Variants in GABRA5 observed in about 807,000 individuals in gnomAD.
GABRA5 encodes gamma-aminobutyric acid receptor subunit alpha-5.
A neutral mutation model predicts 47.3 loss-of-function variants in GABRA5; 18 were observed. The ratio of observed to expected loss-of-function variants is 0.38; its 90% CI spans 0.26 to 0.56. GABRA5 has a LOEUF of 0.56. GABRA5 is among the 20% of genes least tolerant of loss of function. The probability of loss-of-function intolerance (pLI) is 0.71; values close to 1 mark genes in which losing one functional copy is unlikely to be tolerated. For missense variants in GABRA5, 365 were observed against 599.3 expected (o/e 0.61, Z 4.08); for synonymous variants, 237 against 229.3 (o/e 1.03, Z -0.30).
At position 26,880,964 on chromosome 15, in the gene GABRA5, G is replaced by A; in HGVS notation, c.205G>A (p.Gly69Arg). The A allele has an allele frequency of 6.2e-7, 1 of 1,613,768 alleles. No individual in the cohort carries two copies. The highest frequency in any genetic ancestry group is 8.5e-7 in the Non-Finnish European group (1 of 1,179,798). ...CGACAACAGACTTCGGCCCGGGCTGGGAGGTGAGTGTGCTCTCCTCAGCTG... is the reference window on the plus strand; with the variant it reads ...CGACAACAGACTTCGGCCCGGGCTGAGAGGTGAGTGTGCTCTCCTCAGCTG... ...GYDNRLRPGL[G>R]ERITQVRTDI... Residue 69 changes from glycine (G) to arginine (R), a missense_variant, in exon 4 of 11, where the codon GGA (glycine) becomes AGA (arginine). Gly to Arg is a moderately radical substitution (Grantham distance 125, BLOSUM62 -2). Coordinates refer to ENST00000335625, the MANE Select transcript of GABRA5 (RefSeq NM_000810.4).
intron 3 of GABRA5, among the ~76,000 whole-genome samples, chr15:26,873,051 T>C (rs1268432568): frequency 1.3e-5 from 2 of 152,152 alleles, no homozygotes; most frequent in Non-Finnish European, 2.9e-5. Flanking sequence ...AAGTATACAA[T>C]ACAATAAGGC....
intron 6 of GABRA5, among the ~76,000 whole-genome samples, chr15:26,888,781 C>T (rs930478867): frequency 3.3e-5 from 5 of 152,244 alleles, no homozygotes; most frequent in African/African-American, 1.2e-4. Flanking sequence ...TCTAAAAGTG[C>T]CAACTTATGT....
At chr15:26,897,346 A>G (rs1261081994) in intron 6 of GABRA5, among the ~76,000 whole-genome samples, 2 of 152,160 alleles carry the variant, frequency 1.3e-5, no homozygotes, top group African/African-American at 4.8e-5. Context: ...GCACCCACAG[A>G]AGGAAGACCA....
chr15:26,939,331 G>A (rs767961487), intron 8 of GABRA5: 2 of 765,310 alleles, frequency 2.6e-6, no homozygotes, highest in South Asian at 2.7e-5. Context: ...AGGCACTGGG[G>A]CATCGCCAAT....
intron 6 of GABRA5, among the ~76,000 whole-genome samples, chr15:26,892,402 C>T (rs1034609916): frequency 1.3e-5 from 2 of 151,434 alleles, no homozygotes; most frequent in East Asian, 4.4e-4. Flanking sequence ...TCTCCGGGCC[C>T]TACCCAGCCC....
In GABRA5 at chr15:26,939,923, A is replaced by C; in HGVS notation, c.725-2A>C. ...GATGTGCAGTCATTTGCTTATTTGC[A>C]GGCGAATACACAATCATGACAGCTC... On this transcript the variant is annotated splice_acceptor_variant, in intron 8 of 10. Coordinates refer to ENST00000335625, the MANE Select transcript of GABRA5 (RefSeq NM_000810.4). LOFTEE classifies it high-confidence loss of function. The C allele has an allele frequency of 6.2e-7, 1 of 1,613,900 alleles. No individual in the cohort carries two copies. The highest frequency in any genetic ancestry group is 8.5e-7 in the Non-Finnish European group (1 of 1,179,820).
intron 6 of GABRA5, among the ~76,000 whole-genome samples, chr15:26,893,256 T>TGTATA (rs1893063609): frequency 7.0e-6 from 1 of 143,004 alleles, no homozygotes; most frequent in Non-Finnish European, 1.5e-5. Flanking sequence ...ATATGGTGTG[T>TGTATA]TGTGTGTGTA....
rs191069893 is a variant in GABRA5 at position 26,871,151 on chromosome 15, G to A, written c.86+1817G>A. Among the ~76,000 whole-genome samples the A allele has an allele frequency of 1.3e-4, 20 of 152,312 alleles. No individual in the cohort carries two copies. The East Asian group carries it at 3.5e-3, about 26-fold the overall frequency. ...GGAGGTTGCTGTGAGCTGAGATCAT[G>A]CCACTGCACTCCAGCTTGGGCGACA... On this transcript the variant is annotated intron_variant, in intron 3 of 10. Transcript: ENST00000335625.
chr15:26,894,998 G>T (rs1337904250), intron 6 of GABRA5, among the ~76,000 whole-genome samples: 3 of 151,886 alleles, frequency 2.0e-5, no homozygotes, highest in African/African-American at 7.3e-5. Context: ...CATCCTGCTG[G>T]GGTCTGAAAC....
chr15:26,938,998 C>A (rs1894315932), intron 8 of GABRA5, among the ~76,000 whole-genome samples: 3 of 152,226 alleles, frequency 2.0e-5, no homozygotes, highest in African/African-American at 7.2e-5. Flanking sequence ...GACAGACAGA[C>A]CAGGGCCTGC....
intron 6 of GABRA5, among the ~76,000 whole-genome samples, chr15:26,911,910 C>T (rs1893604352): frequency 6.6e-6 from 1 of 152,154 alleles, no homozygotes; most frequent in Non-Finnish European, 1.5e-5. Context: ...TCCATATCCA[C>T]CCTGACGATG....
chr15:26,916,350 A>G (rs1320814919), intron 7 of GABRA5, among the ~76,000 whole-genome samples: 2 of 152,044 alleles, frequency 1.3e-5, no homozygotes, highest in Non-Finnish European at 2.9e-5. Flanking sequence ...TCATTTTTGT[A>G]TTCTTGGCAC....
At chr15:26,943,165 G>A in intron 9 of GABRA5, 50 bp from the exon 10 acceptor site, 2 of 1,403,516 alleles carry the variant, frequency 1.4e-6, no homozygotes, top group Non-Finnish European at 9.7e-7. Context: ...CTGGGTGCCA[G>A]CACTGACCCC....
Position 26,897,676 on chromosome 15 carries a change from G to A in GABRA5, c.497+14119G>A, listed in dbSNP as rs148160386. Among the ~76,000 whole-genome samples the A allele has an allele frequency of 5.7e-3, 870 of 152,250 alleles. 2 individuals carry two copies. Among genetic ancestry groups the A allele is most frequent in the Non-Finnish European group, 9.1e-3 (618 of 68,014 alleles). On this transcript the variant is annotated intron_variant, in intron 6 of 10. Coordinates refer to ENST00000335625, the MANE Select transcript of GABRA5 (RefSeq NM_000810.4). ...CCCCTTGATAACACTTAAAGTTTCA[G>A]GATTCAAATGTCTTTTAATCATAGA...
At chr15:26,881,379 C>A (rs545977560) in intron 4 of GABRA5, among the ~76,000 whole-genome samples, 1 of 152,256 alleles carries the variant, frequency 6.6e-6, no homozygotes, top group African/African-American at 2.4e-5. Context: ...CTATGCGAGT[C>A]CTTTTCAGAA....
chr15:26,911,916 C>T (rs548213033), intron 6 of GABRA5, among the ~76,000 whole-genome samples: 22 of 152,302 alleles, frequency 1.4e-4, no homozygotes, highest in African/African-American at 4.3e-4. Flanking sequence ...TCCACCCTGA[C>T]GATGGCATAG....
chr15:26,948,443 A>G lies in GABRA5; in HGVS notation c.*210A>G, dbSNP rs1291186409. 3.5e-6 allele frequency: 2 copies of G among 566,750 alleles called. No individual in the cohort carries two copies. The highest frequency in any genetic ancestry group is 3.1e-6 in the Non-Finnish European group (1 of 323,128). The allele number at this position is 566,750 out of a possible 1,614,324, so 35.1% of individuals were successfully genotyped here. A position where few individuals can be genotyped will look rare whatever the true frequency, so the allele number is the denominator to read the frequency against. ...GTCCCATTGATAATTCGAGCAAACA[A>G]CTTTCTGGAAAAACAGGATACGATG... On this transcript the variant is annotated 3_prime_UTR_variant, in exon 11 of 11. Coordinates refer to ENST00000335625, the MANE Select transcript of GABRA5 (RefSeq NM_000810.4).
chr15:26,929,517 C>A (rs1894041481), intron 7 of GABRA5, among the ~76,000 whole-genome samples: 1 of 152,210 alleles, frequency 6.6e-6, no homozygotes, highest in Non-Finnish European at 1.5e-5. Context: ...TTGGGGATCC[C>A]CTGCCCCTGT....
chr15:26,875,322 A>G (rs138294855), intron 3 of GABRA5, among the ~76,000 whole-genome samples: 130 of 152,292 alleles, frequency 8.5e-4, no homozygotes, highest in African/African-American at 2.5e-3. Flanking sequence ...CCTGGGGGAC[A>G]TTGCCCTGCA....
Sources: gnomAD v4.1 joint callset for allele counts (sites outside exome capture counted in the v4.1 genomes callset) on GRCh38, gnomAD v4.1.1 for gene constraint, MANE v1.5 for transcripts, NCBI Gene and HGNC (gene_info 2026-07-23, HGNC 2026-07-21) for gene names.